RSU1: variants seen among roughly 807,000 people sequenced by gnomAD.
RSU1 encodes the protein rsu-1.
In RSU1, 26 loss-of-function variants were observed where a neutral mutation model predicts 31.1. The observed-to-expected ratio is 0.84, with a 90% CI of 0.61 to 1.16. The LOEUF is 1.16. Ranked by LOEUF, RSU1 falls within the 50% of genes most tolerant of loss-of-function variation. The probability of loss-of-function intolerance (pLI) is 0.00; values close to 1 mark genes in which losing one functional copy is unlikely to be tolerated. For missense variants in RSU1, 320 were observed against 339.1 expected (o/e 0.94, Z 0.44); for synonymous variants, 164 against 136.3 (o/e 1.20, Z -1.41).
At chr10:16,711,374 G>A (rs1161691990) in intron 7 of RSU1, among the ~76,000 whole-genome samples, 2 of 151,968 alleles carry the variant, frequency 1.3e-5, no homozygotes, top group African/African-American at 4.8e-5. Flanking sequence ...TCTTTTGAAT[G>A]TTAATTTGTC....
intron 8 of RSU1, among the ~76,000 whole-genome samples, chr10:16,597,676 T>C (rs943540685): frequency 1.2e-4 from 19 of 152,212 alleles, no homozygotes; most frequent in African/African-American, 4.3e-4. Context: ...TAAATCAAGA[T>C]AATTATATGA....
intron 4 of RSU1, among the ~76,000 whole-genome samples, chr10:16,759,027 C>T (rs1837153277): frequency 6.6e-6 from 1 of 152,110 alleles, no homozygotes; most frequent in Non-Finnish European, 1.5e-5. Flanking sequence ...ATTTCAGCAT[C>T]TTTTTTCCTT....
In RSU1 at chr10:16,646,002, ATGTG is replaced by A. The variant is rs1319918603; in HGVS notation, c.731+49017_731+49020del. Among the ~76,000 whole-genome samples the A allele has an allele frequency of 1.5e-4, 10 of 64,778 alleles. 1 individual carries two copies. Among genetic ancestry groups the A allele is most frequent in the Non-Finnish European group, 1.2e-4 (4 of 33,068 alleles). The allele number at this position is 64,778 out of a possible 152,430, so 42.5% of individuals were successfully genotyped here. A position where few individuals can be genotyped will look rare whatever the true frequency, so the allele number is the denominator to read the frequency against. On this transcript the variant is annotated intron_variant, in intron 8 of 8. Transcript: ENST00000345264. ...TGTATATACATATATGTGTATATAT[ATGTG>A]TATATACATATATGTGTATATATAT...
chr10:16,775,500 G>T (rs2131640707), intron 3 of RSU1, among the ~76,000 whole-genome samples: 1 of 152,198 alleles, frequency 6.6e-6, no homozygotes, highest in East Asian at 1.9e-4. Flanking sequence ...GGTTGGTGGG[G>T]CTGACAACAA....
intron 8 of RSU1, among the ~76,000 whole-genome samples, chr10:16,672,143 A>C (rs1294032883): frequency 2.0e-5 from 1 of 50,374 alleles, no homozygotes; most frequent in Non-Finnish European, 3.2e-5. Flanking sequence ...CTAAAAATAC[A>C]AAAAAAAAAA....
At chr10:16,709,786 A>T (rs904986495) in intron 7 of RSU1, among the ~76,000 whole-genome samples, 13 of 152,050 alleles carry the variant, frequency 8.5e-5, no homozygotes, top group African/African-American at 3.1e-4. Context: ...TGGCTGCATA[A>T]ATGTCTTCTT....
intron 7 of RSU1, among the ~76,000 whole-genome samples, chr10:16,713,426 CA>C (rs1836064166): frequency 6.6e-6 from 1 of 152,042 alleles, no homozygotes; most frequent in African/African-American, 2.4e-5. Context: ...TGGGATAATT[CA>C]AGAGGCCTGT....
At chr10:16,757,069 ATGTGTGTGTGC>A (rs112812617) in intron 4 of RSU1, among the ~76,000 whole-genome samples, 23,550 of 141,486 alleles carry the variant, frequency 0.17, 2,347 homozygotes, top group African/African-American at 0.3. Context: ...TGTACACGGT[ATGTGTGTGTGC>A]TGTGGGTGTG....
intron 7 of RSU1, among the ~76,000 whole-genome samples, chr10:16,750,971 T>C (rs1836967283): frequency 6.6e-6 from 1 of 151,642 alleles, no homozygotes; most frequent in African/African-American, 2.4e-5. Flanking sequence ...GCTCAGGTGA[T>C]CCTCCCACCT....
chr10:16,655,071 AAAAAG>A (rs1248172926), intron 8 of RSU1, among the ~76,000 whole-genome samples: 4 of 129,056 alleles, frequency 3.1e-5, no homozygotes, highest in Non-Finnish European at 6.6e-5. Flanking sequence ...AAAAAAAAAA[AAAAAG>A]AGAGAGAGAG....
intron 8 of RSU1, among the ~76,000 whole-genome samples, chr10:16,606,813 A>G (rs1457271928): frequency 6.6e-6 from 1 of 152,224 alleles, no homozygotes; most frequent in Non-Finnish European, 1.5e-5. Flanking sequence ...CGATAAGGAC[A>G]AACGGTAGAA....
At chr10:16,720,850 G>T (rs1836242709) in intron 7 of RSU1, among the ~76,000 whole-genome samples, 1 of 152,134 alleles carries the variant, frequency 6.6e-6, no homozygotes, top group Non-Finnish European at 1.5e-5. Flanking sequence ...GCTGGGCATG[G>T]TGGTGCACTC....
chr10:16,752,822 A>C, intron 6 of RSU1, 96 bp downstream of exon 6: 1 of 1,195,330 alleles, frequency 8.4e-7, no homozygotes, highest in African/African-American at 1.5e-5. Flanking sequence ...TTATTCCCAC[A>C]AAACAAACCT....
chr10:16,696,033 G>A (rs1413924465), intron 7 of RSU1, among the ~76,000 whole-genome samples: 1 of 152,028 alleles, frequency 6.6e-6, no homozygotes, highest in Admixed American at 6.6e-5. Flanking sequence ...AAATGGAAAA[G>A]GCAAAGTGTG....
intron 2 of RSU1, among the ~76,000 whole-genome samples, chr10:16,795,336 A>C (rs1407642067): frequency 6.9e-6 from 1 of 145,456 alleles, no homozygotes; most frequent in Non-Finnish European, 1.5e-5. Flanking sequence ...CCTGGGCGAC[A>C]GAGTGAGACT....
chr10:16,708,399 T>C (rs1835948340), intron 7 of RSU1, among the ~76,000 whole-genome samples: 1 of 152,148 alleles, frequency 6.6e-6, no homozygotes, highest in African/African-American at 2.4e-5. Flanking sequence ...TTGAGGGATT[T>C]GTCTTGCTGT....
intron 3 of RSU1, among the ~76,000 whole-genome samples, chr10:16,766,009 G>A (rs1447710816): frequency 2.6e-5 from 4 of 152,226 alleles, no homozygotes; most frequent in Admixed American, 6.5e-5. Context: ...GGACAGGCAC[G>A]TTGCTTATTA....
intron 2 of RSU1, among the ~76,000 whole-genome samples, chr10:16,804,814 G>A (rs772984398): frequency 4.6e-5 from 7 of 152,172 alleles, no homozygotes; most frequent in Non-Finnish European, 8.8e-5. Flanking sequence ...CTGAGGTTTT[G>A]GAGGTAGATA....
intron 8 of RSU1, among the ~76,000 whole-genome samples, chr10:16,642,443 GTC>G (rs1303102512): frequency 6.6e-6 from 1 of 152,108 alleles, no homozygotes; most frequent in African/African-American, 2.4e-5. Flanking sequence ...AGATTTTTGA[GTC>G]TCTAACCTTT....
Sources: gnomAD v4.1 joint callset for allele counts (sites outside exome capture counted in the v4.1 genomes callset) on GRCh38, gnomAD v4.1.1 for gene constraint, MANE v1.5 for transcripts, NCBI Gene and HGNC (gene_info 2026-07-23, HGNC 2026-07-21) for gene names.